RNASEL: variants seen among roughly 807,000 people sequenced by gnomAD.
RNASEL encodes the protein ribonuclease L.
A neutral mutation model predicts 50.9 loss-of-function variants in RNASEL; 36 were observed. That is an observed-to-expected ratio of 0.71 (90% CI 0.54 to 0.93). RNASEL has a LOEUF of 0.93. Ranked by LOEUF, RNASEL falls within the 40% of genes least tolerant of loss-of-function variation. The pLI is 0.00. For missense variants in RNASEL, 860 were observed against 894.5 expected (o/e 0.96, Z 0.49); for synonymous variants, 335 against 335.6 (o/e 1.00, Z 0.02).
intron 1 of RNASEL, among the ~76,000 whole-genome samples, 199 bp from the exon 2 acceptor site, chr1:182,587,169 T>C (rs1043426196): frequency 6.6e-6 from 1 of 152,198 alleles, no homozygotes; most frequent in Middle Eastern, 3.4e-3. Flanking sequence ...AAACAGCCAA[T>C]GTTAATATTT....
intron 2 of RNASEL, among the ~76,000 whole-genome samples, chr1:182,584,785 G>A (rs545326812): frequency 5.9e-5 from 9 of 152,204 alleles, no homozygotes; most frequent in South Asian, 2.1e-4. Context: ...TTGCTCCCCC[G>A]CACCATATTG....
chr1:182,582,447 T>C (rs1314442186), intron 3 of RNASEL, among the ~76,000 whole-genome samples, 189 bp from the exon 4 acceptor site: 1 of 152,170 alleles, frequency 6.6e-6, no homozygotes, highest in East Asian at 1.9e-4. Context: ...CCCATACCAC[T>C]TAGTTTTATG....
At chr1:182,579,535 C>T (rs1661452161) in intron 5 of RNASEL, 2 of 1,106,954 alleles carry the variant, frequency 1.8e-6, no homozygotes, top group Non-Finnish European at 2.2e-6. Context: ...CAGGATGGGG[C>T]AAGTCAAGAA....
intron 5 of RNASEL, chr1:182,579,785 A>G (rs1282653618): frequency 1.8e-6 from 2 of 1,106,738 alleles, no homozygotes; most frequent in African/African-American, 1.6e-5. Flanking sequence ...AGGTCTGCCA[A>G]TCTCTGACTG....
intron 5 of RNASEL, among the ~76,000 whole-genome samples, chr1:182,577,328 C>A (rs1304968039): frequency 6.6e-6 from 1 of 151,918 alleles, no homozygotes; most frequent in African/African-American, 2.4e-5. Flanking sequence ...GTTAAAAAAT[C>A]TTTGACTACT....
chr1:182,581,543 G>T (rs527424785), intron 4 of RNASEL, among the ~76,000 whole-genome samples, 186 bp from the exon 5 acceptor site: 1 of 133,228 alleles, frequency 7.5e-6, no homozygotes. Flanking sequence ...GTGCAGTAGC[G>T]CAATCTTGGC....
intron 4 of RNASEL, 141 bp from the exon 5 acceptor site, chr1:182,581,498 T>C (rs1661497091): frequency 3.2e-6 from 3 of 943,924 alleles, no homozygotes; most frequent in South Asian, 1.7e-5. Context: ...TTTTTTTTTT[T>C]TGAGATGGAG....
intron 5 of RNASEL, chr1:182,579,348 GC>G (rs35632578): frequency 0.032 from 32,049 of 989,590 alleles, 659 homozygotes; most frequent in African/African-American, 0.094. Flanking sequence ...GCCATAGATG[GC>G]TCTCATATTT....
chr1:182,577,524 G>A (rs1234569453), intron 5 of RNASEL, among the ~76,000 whole-genome samples: 1 of 151,960 alleles, frequency 6.6e-6, no homozygotes, highest in East Asian at 1.9e-4. Context: ...TTTCCAAAAG[G>A]AATAACTAAT....
intron 5 of RNASEL, chr1:182,579,765 TC>T: frequency 8.6e-7 from 1 of 1,165,732 alleles, no homozygotes; most frequent in Non-Finnish European, 1.1e-6. Flanking sequence ...AAGAACAAGT[TC>T]CTCTTTCCAG....
chr1:182,580,864 G>C (rs1163547365), intron 5 of RNASEL, among the ~76,000 whole-genome samples: 1 of 152,210 alleles, frequency 6.6e-6, no homozygotes, highest in African/African-American at 2.4e-5. Context: ...TCATGGTGAA[G>C]CACTTCCCTT....
At chr1:182,577,718 T>C (rs1452167768) in intron 5 of RNASEL, among the ~76,000 whole-genome samples, 1 of 152,100 alleles carries the variant, frequency 6.6e-6, no homozygotes, top group Non-Finnish European at 1.5e-5. Flanking sequence ...CATCACATTA[T>C]GATATACCTC....
rs1661586604 is a variant in RNASEL, at chr1:182,585,953, A to G, written c.854T>C (p.Leu285Pro). 1 of 1,614,048 alleles carries G rather than the reference A, an allele frequency of 6.2e-7. No individual in the cohort carries two copies. The highest frequency in any genetic ancestry group is 8.5e-7 in the Non-Finnish European group (1 of 1,180,026). Residue 285 changes from leucine (L) to proline (P), a missense_variant, in exon 2 of 7, where the codon CTG becomes CCG. Physicochemically the swap from Leu to Pro is moderately conservative, Grantham distance 98. Transcript: ENST00000367559. Reference sequence around the variant, plus strand: ...GCACAGCAACTCGGCGATTTTCTTCAGTTTGAGTTCAACAGCAAGCAGCAG... The same window carrying G: ...GCACAGCAACTCGGCGATTTTCTTCGGTTTGAGTTCAACAGCAAGCAGCAG... ...TALLLAVELKLKKIAELLCKR... is the reference protein window; with the variant it reads ...TALLLAVELKPKKIAELLCKR...
At chr1:182,578,052 A>T (rs1474503304) in intron 5 of RNASEL, 2 of 152,188 alleles carry the variant, frequency 1.3e-5, no homozygotes, top group Non-Finnish European at 2.9e-5. Context: ...ACCTAGGAAA[A>T]ACTCTTCTGG....
At chr1:182,581,859 T>C (rs1442323930) in intron 4 of RNASEL, among the ~76,000 whole-genome samples, 194 bp downstream of exon 4, 1 of 152,136 alleles carries the variant, frequency 6.6e-6, no homozygotes. Flanking sequence ...ATCTCTTTTT[T>C]TCCCCTCCTT....
intron 1 of RNASEL, among the ~76,000 whole-genome samples, chr1:182,587,195 T>C (rs620070): frequency 0.56 from 84,714 of 151,936 alleles, 24,835 homozygotes; most frequent in East Asian, 0.71. Flanking sequence ...TATTTCTATA[T>C]ATTTTTTAAG....
chr1:182,587,272 T>C lies in RNASEL; in HGVS notation c.-164-302A>G, dbSNP rs538262788. On this transcript the variant is annotated intron_variant, in intron 1 of 6. Coordinates refer to ENST00000367559, the MANE Select transcript of RNASEL (RefSeq NM_021133.4). Reference sequence around the variant, plus strand: ...CTTTCATTTAATACCATACTATAAGTCATTTCCTGTGTTATTGCAAAGTCT... The same window carrying C: ...CTTTCATTTAATACCATACTATAAGCCATTTCCTGTGTTATTGCAAAGTCT... Among the ~76,000 whole-genome samples the C allele has an allele frequency of 6.6e-5, 10 of 152,256 alleles. 1 individual carries two copies. The South Asian group carries it at 1.4e-3, about 22-fold the overall frequency.
At chr1:182,585,181 G>C in intron 2 of RNASEL, 146 bp downstream of exon 2, 1 of 830,930 alleles carries the variant, frequency 1.2e-6, no homozygotes, top group South Asian at 1.7e-5. Flanking sequence ...ACACTGCACT[G>C]TAATTATGAA....
rs1350026038 is a variant in RNASEL, at chr1:182,586,811, G to GT, written c.-6dup. 7 of 1,614,030 alleles carry GT rather than the reference G, an allele frequency of 4.3e-6. No homozygotes were observed. The highest frequency in any genetic ancestry group is 5.9e-6 in the Non-Finnish European group (7 of 1,180,040). Reference sequence around the variant, plus strand: ...GTTATGATCCCTGCTCTCCATGACGGTAAATGCCACCTGCTACCACTTTTA... The same window carrying GT: ...GTTATGATCCCTGCTCTCCATGACGGTTAAATGCCACCTGCTACCACTTTTA... On this transcript the variant is annotated 5_prime_UTR_variant, in exon 2 of 7. Coordinates refer to ENST00000367559, the MANE Select transcript of RNASEL (RefSeq NM_021133.4).
Sources: allele counts gnomAD v4.1 joint callset (sites outside exome capture counted in the v4.1 genomes callset), GRCh38; gene constraint gnomAD v4.1.1; transcripts MANE v1.5; gene names NCBI Gene and HGNC (gene_info 2026-07-23, HGNC 2026-07-21).